The following CNTN5 variants were observed in gnomAD, a reference collection of about 807,000 sequenced individuals.
CNTN5 encodes the protein contactin 5.
CNTN5 carries 77 observed loss-of-function variants against 129.1 expected under a neutral mutation model. The observed-to-expected ratio is 0.60, with a 90% CI of 0.50 to 0.72. CNTN5 has a LOEUF of 0.72. Among genes scored for constraint, CNTN5 ranks in the 30% least tolerant of loss-of-function variants. CNTN5 has a pLI of 0.00. For missense variants in CNTN5, 1,478 were observed against 1,328.8 expected, an observed-to-expected ratio of 1.11 and a Z score of -1.75; for synonymous variants, 509 against 465.6, an observed-to-expected ratio of 1.09 and a Z score of -1.20.
intron 1 of CNTN5, among the ~76,000 whole-genome samples, chr11:99,236,111 T>C (rs933712133): frequency 2.0e-5 from 3 of 152,174 alleles, no homozygotes; most frequent in Admixed American, 1.3e-4. Context: ...TGGCCAAATA[T>C]ATTCTCAGTA....
chr11:99,455,395 G>T (rs1250446313), intron 2 of CNTN5, among the ~76,000 whole-genome samples: 1 of 150,948 alleles, frequency 6.6e-6, no homozygotes, highest in Non-Finnish European at 1.5e-5. Context: ...TAGGAGAGAA[G>T]AATGTATGAG....
intron 2 of CNTN5, among the ~76,000 whole-genome samples, chr11:99,458,217 AT>A (rs1266627844): frequency 6.6e-6 from 1 of 151,894 alleles, no homozygotes; most frequent in Non-Finnish European, 1.5e-5. Context: ...TTCTATCCTT[AT>A]TTTTTTATAA....
intron 3 of CNTN5, among the ~76,000 whole-genome samples, chr11:99,676,550 A>C (rs371918187): frequency 6.6e-6 from 1 of 152,232 alleles, no homozygotes; most frequent in Non-Finnish European, 1.5e-5. Flanking sequence ...ATAAAATTTC[A>C]AGGGCTTCTG....
chr11:99,559,112 A>G (rs1482034625), intron 3 of CNTN5, among the ~76,000 whole-genome samples: 2 of 151,896 alleles, frequency 1.3e-5, no homozygotes, highest in African/African-American at 4.8e-5. Context: ...AATATTTAGT[A>G]TTTTATTATT....
chr11:100,151,574 G>T (rs1037175306), intron 13 of CNTN5, among the ~76,000 whole-genome samples: 3 of 152,044 alleles, frequency 2.0e-5, no homozygotes, highest in African/African-American at 7.2e-5. Flanking sequence ...CCGGTACATC[G>T]ACTTATAGGT....
At chr11:100,282,653 A>G (rs2138823872) in intron 18 of CNTN5, among the ~76,000 whole-genome samples, 1 of 152,340 alleles carries the variant, frequency 6.6e-6, no homozygotes, top group African/African-American at 2.4e-5. Flanking sequence ...GAGCCAGGCC[A>G]GTGTCCTTCC....
chr11:99,880,603 A>G (rs1440670016), intron 6 of CNTN5, among the ~76,000 whole-genome samples: 1 of 152,216 alleles, frequency 6.6e-6, no homozygotes, highest in African/African-American at 2.4e-5. Flanking sequence ...TCAATTTTAC[A>G]AATACAATTG....
At chr11:99,689,259 G>A (rs761634223) in intron 3 of CNTN5, among the ~76,000 whole-genome samples, 1 of 152,048 alleles carries the variant, frequency 6.6e-6, no homozygotes, top group East Asian at 1.9e-4. Flanking sequence ...CGGGCGTGGT[G>A]GCTCACGCCT....
intron 3 of CNTN5, among the ~76,000 whole-genome samples, chr11:99,642,872 C>G (rs1463544573): frequency 6.6e-6 from 1 of 152,132 alleles, no homozygotes; most frequent in African/African-American, 2.4e-5. Flanking sequence ...TGACTTATTT[C>G]ACTTACCATA....
chr11:99,851,648 G>A (rs1947877446), intron 6 of CNTN5, among the ~76,000 whole-genome samples: 1 of 152,126 alleles, frequency 6.6e-6, no homozygotes, highest in Non-Finnish European at 1.5e-5. Context: ...TGCAATTCTT[G>A]GTAAATTGAT....
At chr11:99,162,472 C>G (rs778416202) in intron 1 of CNTN5, among the ~76,000 whole-genome samples, 2 of 152,114 alleles carry the variant, frequency 1.3e-5, no homozygotes, top group South Asian at 2.1e-4. Context: ...CTTGGTGAAT[C>G]AAAGACTGAA....
chr11:99,121,167 C>T (rs1858305963), intron 1 of CNTN5, among the ~76,000 whole-genome samples: 1 of 146,668 alleles, frequency 6.8e-6, no homozygotes, highest in African/African-American at 2.5e-5. Context: ...TCGAGTCTCA[C>T]TCTGTTGCCC....
chr11:99,340,441 A>C (rs890628403), intron 2 of CNTN5, among the ~76,000 whole-genome samples: 3 of 152,092 alleles, frequency 2.0e-5, no homozygotes, highest in Non-Finnish European at 4.4e-5. Flanking sequence ...TTAGGGGGGA[A>C]AAAAAAGCCT....
chr11:99,811,448 A>G (rs1370284284), intron 3 of CNTN5, among the ~76,000 whole-genome samples: 3 of 148,178 alleles, frequency 2.0e-5, no homozygotes, highest in African/African-American at 7.4e-5. Context: ...TTATTTTGTT[A>G]ATATTTTATT....
At chr11:100,045,515 G>A (rs1177641129) in intron 9 of CNTN5, among the ~76,000 whole-genome samples, 1 of 152,080 alleles carries the variant, frequency 6.6e-6, no homozygotes, top group African/African-American at 2.4e-5. Flanking sequence ...GTAATAACAA[G>A]AAGTAGTTAT....
chr11:100,077,873 A>T (rs548179452), intron 13 of CNTN5, among the ~76,000 whole-genome samples: 13 of 151,996 alleles, frequency 8.6e-5, no homozygotes, highest in African/African-American at 3.1e-4. Context: ...AGAAATATTT[A>T]AAAAAACAAA....
At chr11:99,650,915 C>T (rs1040547661) in intron 3 of CNTN5, among the ~76,000 whole-genome samples, 1 of 151,816 alleles carries the variant, frequency 6.6e-6, no homozygotes, top group Non-Finnish European at 1.5e-5. Context: ...AAACACAGTT[C>T]AATAATGTTC....
chr11:100,188,494 C>A (rs1948372412), intron 13 of CNTN5, among the ~76,000 whole-genome samples: 1 of 151,964 alleles, frequency 6.6e-6, no homozygotes, highest in African/African-American at 2.4e-5. Flanking sequence ...AAAAATGATC[C>A]ACATTACTAA....
At chr11:99,588,486 T>C (rs879426540) in intron 3 of CNTN5, among the ~76,000 whole-genome samples, 9 of 152,050 alleles carry the variant, frequency 5.9e-5, no homozygotes, top group Non-Finnish European at 1.2e-4. Context: ...TGTTCATGGG[T>C]AAAATTAGGA....
Sources: gnomAD v4.1 joint callset for allele counts (sites outside exome capture counted in the v4.1 genomes callset) on GRCh38, gnomAD v4.1.1 for gene constraint, MANE v1.5 for transcripts, NCBI Gene and HGNC (gene_info 2026-07-23, HGNC 2026-07-21) for gene names.